The following MTCL3 variants were observed in gnomAD, a reference collection of about 807,000 sequenced individuals.
MTCL3 encodes the protein microtubule cross-linking factor 3.
At chr6:127,484,645 C>T in the MTCL3 span, among the ~76,000 whole-genome samples, 6 of 152,094 alleles carry the variant, frequency 3.9e-5, no homozygotes, top group African/African-American at 1.2e-4. Flanking sequence ...ACCTGTGACA[C>T]AATAATAATG....
the MTCL3 span, among the ~76,000 whole-genome samples, chr6:127,504,043 G>A: frequency 6.6e-6 from 1 of 152,122 alleles, no homozygotes; most frequent in East Asian, 1.9e-4. Flanking sequence ...TAGTCTCAAG[G>A]AGTTTACAGT....
At chr6:127,481,702 A>G in the MTCL3 span, among the ~76,000 whole-genome samples, 2 of 152,164 alleles carry the variant, frequency 1.3e-5, no homozygotes, top group Non-Finnish European at 2.9e-5. Context: ...AAAGGTTAAT[A>G]TCTAGCCAAG....
chr6:127,475,314 C>T, the MTCL3 span: 1 of 1,609,364 alleles, frequency 6.2e-7, no homozygotes, highest in Non-Finnish European at 8.5e-7. The surrounding 1 kb of genome is among the most constrained non-coding windows in gnomAD (Gnocchi z 7.3). Context: ...AAATGGGCTC[C>T]TCGGCGCCGC....
the MTCL3 span, chr6:127,516,455 T>G: frequency 6.3e-7 from 1 of 1,599,804 alleles, no homozygotes; most frequent in Non-Finnish European, 8.5e-7. Flanking sequence ...GTGGCCGCGA[T>G]TGTCTGTCGC....
chr6:127,496,043 A>G, the MTCL3 span, among the ~76,000 whole-genome samples: 1 of 152,190 alleles, frequency 6.6e-6, no homozygotes, highest in Admixed American at 6.5e-5. Context: ...CAGCCTGGAC[A>G]ACATGGTGAA....
the MTCL3 span, among the ~76,000 whole-genome samples, chr6:127,510,822 G>A: frequency 6.6e-6 from 1 of 152,124 alleles, no homozygotes; most frequent in South Asian, 2.1e-4. Flanking sequence ...GTTGAATTCT[G>A]TTCTCTCCTT....
chr6:127,475,112 CAGA>C, the MTCL3 span, among the ~76,000 whole-genome samples: 2 of 152,240 alleles, frequency 1.3e-5, no homozygotes, highest in Admixed American at 6.5e-5. This position sits in a 1 kb window ranked among gnomAD's most constrained non-coding sequence, Gnocchi z 7.3. Context: ...CTCAGCCCTG[CAGA>C]AGGACAGTGT....
At chr6:127,515,447 G>A in the MTCL3 span, 1 of 1,363,736 alleles carries the variant, frequency 7.3e-7, no homozygotes, top group Non-Finnish European at 9.6e-7. The surrounding 1 kb of genome is among the most constrained non-coding windows in gnomAD (Gnocchi z 4.3). Context: ...ATCCCTGCCG[G>A]TACACGCCCT....
At chr6:127,476,109 G>C in the MTCL3 span, 2 of 1,613,986 alleles carry the variant, frequency 1.2e-6, no homozygotes, top group Non-Finnish European at 1.7e-6. This position sits in a 1 kb window ranked among gnomAD's most constrained non-coding sequence, Gnocchi z 4.4. Flanking sequence ...ACAGGGATTC[G>C]CTCTGCTCCC....
the MTCL3 span, chr6:127,515,433 T>C: frequency 3.8e-6 from 5 of 1,322,526 alleles, no homozygotes; most frequent in Non-Finnish European, 5.0e-6. The surrounding 1 kb of genome is among the most constrained non-coding windows in gnomAD (Gnocchi z 4.3). Flanking sequence ...GTTAGCAGCC[T>C]CTGATCCCTG....
At chr6:127,494,624 G>T in the MTCL3 span, among the ~76,000 whole-genome samples, 515 of 152,284 alleles carry the variant, frequency 3.4e-3, 3 homozygotes, top group Non-Finnish European at 5.4e-3. Context: ...GATTCATCAA[G>T]GGACTCAAGG....
the MTCL3 span, among the ~76,000 whole-genome samples, chr6:127,477,345 A>T: frequency 1.3e-5 from 2 of 152,218 alleles, no homozygotes; most frequent in African/African-American, 4.8e-5. Flanking sequence ...AAAGTACAAA[A>T]GGAGGAATGG....
the MTCL3 span, among the ~76,000 whole-genome samples, chr6:127,482,635 A>C: frequency 6.6e-6 from 1 of 152,220 alleles, no homozygotes; most frequent in Non-Finnish European, 1.5e-5. This position sits in a 1 kb window ranked among gnomAD's most constrained non-coding sequence, Gnocchi z 4.1. Context: ...GATTAGCATC[A>C]TGAGTATAGT....
chr6:127,493,857 C>G, the MTCL3 span, among the ~76,000 whole-genome samples: 3 of 152,032 alleles, frequency 2.0e-5, no homozygotes, highest in Non-Finnish European at 2.9e-5. Flanking sequence ...TTTCCTTTTC[C>G]TAGTTCCTCT....
chr6:127,474,908 A>T, the MTCL3 span, among the ~76,000 whole-genome samples: 1 of 152,196 alleles, frequency 6.6e-6, no homozygotes. Flanking sequence ...ATCAGCAGTT[A>T]AATATTCCTA....
the MTCL3 span, among the ~76,000 whole-genome samples, chr6:127,511,284 GGTATTTTGTTACAGC>G: frequency 6.6e-6 from 1 of 152,052 alleles, no homozygotes; most frequent in Non-Finnish European, 1.5e-5. Context: ...CCCAGTTTTT[GGTATTTTGTTACAGC>G]TACCCTAGAG....
At chr6:127,515,768 C>T in the MTCL3 span, 117 of 1,604,332 alleles carry the variant, frequency 7.3e-5, no homozygotes, top group Non-Finnish European at 9.5e-5. This position sits in a 1 kb window ranked among gnomAD's most constrained non-coding sequence, Gnocchi z 4.3. Context: ...CTGCCGCCGC[C>T]GTTCTTAGCG....
At chr6:127,493,398 T>A in the MTCL3 span, among the ~76,000 whole-genome samples, 1 of 152,200 alleles carries the variant, frequency 6.6e-6, no homozygotes, top group African/African-American at 2.4e-5. Flanking sequence ...TTGGAAGATA[T>A]GGGAAGGAAA....
At chr6:127,513,198 C>T in the MTCL3 span, 19 of 703,032 alleles carry the variant, frequency 2.7e-5, no homozygotes, top group Non-Finnish European at 4.3e-5. Context: ...ACATATAAGC[C>T]ATTCACATAT....
Sources: gnomAD v4.1 joint callset for allele counts (sites outside exome capture counted in the v4.1 genomes callset) on GRCh38, gnomAD v4.1.1 for gene constraint, Gnocchi (gnomAD v3.1) non-coding constraint, MANE v1.5 for transcripts, NCBI Gene and HGNC (gene_info 2026-07-23, HGNC 2026-07-21) for gene names.